The following SGCG variants were observed in gnomAD, a reference collection of about 807,000 sequenced individuals.
SGCG encodes the protein gamma-sarcoglycan.
A neutral mutation model predicts 29.3 loss-of-function variants in SGCG; 26 were observed. That is an observed-to-expected ratio of 0.89 (90% CI 0.65 to 1.23). The LOEUF (loss-of-function observed/expected upper bound fraction) is 1.23, where lower values mean the gene tolerates loss of function less well. Ranked by LOEUF, SGCG falls within the 50% of genes most tolerant of loss-of-function variation. The probability of loss-of-function intolerance (pLI) is 0.00; values close to 1 mark genes in which losing one functional copy is unlikely to be tolerated. For missense variants in SGCG, 353 were observed against 356.0 expected (o/e 0.99, Z 0.07); for synonymous variants, 145 against 129.7 (o/e 1.12, Z -0.80).
chr13:23,277,427 A>G (rs994598832), intron 4 of SGCG, among the ~76,000 whole-genome samples: 4 of 151,812 alleles, frequency 2.6e-5, no homozygotes, highest in Admixed American at 6.6e-5. Context: ...AAAAAAAAGG[A>G]GATGTAACAT....
At position 23,310,247 on chromosome 13, in the gene SGCG, C is replaced by T. The variant is rs187441245; in HGVS notation, c.579-10390C>T. Among the ~76,000 whole-genome samples, 1,049 of 151,852 alleles carry T rather than the reference C, an allele frequency of 6.9e-3. 15 individuals are homozygous for T. The highest frequency in any genetic ancestry group is 0.024 in the African/African-American group (1,011 of 41,446). ...GACTACAGGCGCCCGCCACCACACC[C>T]GGGTAATTTTTTGTATTTTTAGTAG... is the stretch of plus-strand genomic sequence containing the variant. On this transcript the variant is annotated intron_variant, in intron 6 of 7. Coordinates refer to ENST00000218867, the MANE Select transcript of SGCG (RefSeq NM_000231.3).
the SGCG span, among the ~76,000 whole-genome samples, chr13:23,171,241 T>G: frequency 6.6e-6 from 1 of 152,220 alleles, no homozygotes; most frequent in East Asian, 1.9e-4. Context: ...ACATGTATTT[T>G]ACTACATGTC....
intron 4 of SGCG, among the ~76,000 whole-genome samples, chr13:23,278,167 G>C (rs12874916): frequency 6.6e-6 from 1 of 152,066 alleles, no homozygotes; most frequent in Non-Finnish European, 1.5e-5. Flanking sequence ...ATATAGGCCA[G>C]ACATGGTGGC....
upstream of SGCG, chr13:23,180,927 C>T (rs1876709806): frequency 6.6e-6 from 1 of 152,154 alleles, no homozygotes; most frequent in African/African-American, 2.4e-5. Context: ...GGGCGAAACT[C>T]GTGAGAGCCC....
At chr13:23,218,664 C>G (rs1469550303) in intron 2 of SGCG, among the ~76,000 whole-genome samples, 1 of 151,908 alleles carries the variant, frequency 6.6e-6, no homozygotes, top group Non-Finnish European at 1.5e-5. Context: ...TCAAATATAA[C>G]TGCTGATTGA....
chr13:23,207,082 C>A (rs61948483), intron 2 of SGCG, among the ~76,000 whole-genome samples: 9,256 of 152,170 alleles, frequency 0.061, 396 homozygotes, highest in Middle Eastern at 0.14. Flanking sequence ...TCAAAGCTAT[C>A]GTAATTTAAA....
At chr13:23,277,339 A>G (rs546548940) in intron 4 of SGCG, among the ~76,000 whole-genome samples, 1 of 152,292 alleles carries the variant, frequency 6.6e-6, no homozygotes, top group Non-Finnish European at 1.5e-5. Context: ...GTGACCCAGA[A>G]GAGATAAACA....
intron 1 of SGCG, among the ~76,000 whole-genome samples, chr13:23,199,679 C>T (rs1407930647): frequency 6.6e-6 from 1 of 152,052 alleles, no homozygotes; most frequent in Non-Finnish European, 1.5e-5. Context: ...TGGTAGATGG[C>T]ACTTTCAAAA....
At chr13:23,266,229 G>A (rs1381247434) in intron 4 of SGCG, among the ~76,000 whole-genome samples, 4 of 150,516 alleles carry the variant, frequency 2.7e-5, no homozygotes, top group African/African-American at 4.9e-5. Flanking sequence ...CCGAGATCAC[G>A]CCACTGCACT....
intron 5 of SGCG, among the ~76,000 whole-genome samples, chr13:23,286,955 T>C (rs7328432): frequency 0.43 from 65,936 of 152,086 alleles, 15,138 homozygotes; most frequent in Middle Eastern, 0.65. Context: ...TTGCAGAAAG[T>C]AAAACTGTGA....
intron 2 of SGCG, among the ~76,000 whole-genome samples, chr13:23,219,904 C>G (rs899362546): frequency 7.0e-6 from 1 of 142,116 alleles, no homozygotes; most frequent in Admixed American, 7.7e-5. Context: ...GGCGCCATCT[C>G]GGCTCACTGC....
At chr13:23,185,511 A>T (rs374888015) in intron 1 of SGCG, among the ~76,000 whole-genome samples, 1 of 152,034 alleles carries the variant, frequency 6.6e-6, no homozygotes, top group Non-Finnish European at 1.5e-5. Flanking sequence ...TTAAATTCCA[A>T]TTTTTCCAAC....
chr13:23,221,266 G>A lies in SGCG; in HGVS notation c.196-13345G>A, dbSNP rs193144584. ...AATTAAAGATAAAGAAAATGGGTTT[G>A]ATATAATTATATGTTACCTAGGAAT... On this transcript the variant is annotated intron_variant, in intron 2 of 7. Transcript: ENST00000218867. 7.9e-5 allele frequency among the ~76,000 whole-genome samples: 12 copies of A among 152,256 alleles called. No homozygotes were observed. The East Asian group carries it at 2.3e-3, about 29-fold the overall frequency.
At chr13:23,201,580 TCCCCTCCACCCTCCAGA>T (rs1877769122) in intron 1 of SGCG, among the ~76,000 whole-genome samples, 1 of 151,962 alleles carries the variant, frequency 6.6e-6, no homozygotes. Flanking sequence ...AAGCAACGTC[TCCCCTCCACCCTCCAGA>T]AAAACACAGC....
chr13:23,161,786 C>A, the SGCG span, among the ~76,000 whole-genome samples: 1 of 152,224 alleles, frequency 6.6e-6, no homozygotes, highest in Non-Finnish European at 1.5e-5. Flanking sequence ...TAAAGTTATA[C>A]AGCAGTTATA....
chr13:23,194,112 C>T (rs1249782429), intron 1 of SGCG, among the ~76,000 whole-genome samples: 1 of 152,124 alleles, frequency 6.6e-6, no homozygotes, highest in Non-Finnish European at 1.5e-5. Flanking sequence ...GTTATGTGAT[C>T]CCTCTGATTG....
At chr13:23,212,980 G>A (rs1593176041) in intron 2 of SGCG, among the ~76,000 whole-genome samples, 1 of 152,080 alleles carries the variant, frequency 6.6e-6, no homozygotes, top group Admixed American at 6.6e-5. Context: ...ATAGATAGAG[G>A]CATTCCATTT....
chr13:23,210,147 A>G (rs926673506), intron 2 of SGCG, among the ~76,000 whole-genome samples: 2 of 152,240 alleles, frequency 1.3e-5, no homozygotes, highest in African/African-American at 2.4e-5. Context: ...CTAATCATGT[A>G]TGTTTTAACC....
chr13:23,249,456 G>A (rs1314253304), intron 3 of SGCG, among the ~76,000 whole-genome samples: 1 of 152,066 alleles, frequency 6.6e-6, no homozygotes, highest in Non-Finnish European at 1.5e-5. Context: ...TTTTGTCTTG[G>A]GAGACAGAGG....
Sources: gnomAD v4.1 joint callset for allele counts (sites outside exome capture counted in the v4.1 genomes callset) on GRCh38, gnomAD v4.1.1 for gene constraint, MANE v1.5 for transcripts, NCBI Gene and HGNC (gene_info 2026-07-23, HGNC 2026-07-21) for gene names.